The following RARB variants were observed in gnomAD, a reference collection of about 807,000 sequenced individuals.
RARB encodes HBV-activated protein.
RARB carries 17 observed loss-of-function variants against 51.9 expected under a neutral mutation model. That is an observed-to-expected ratio of 0.33 (90% CI 0.22 to 0.49). RARB has a LOEUF of 0.49. RARB is among the 20% of genes least tolerant of loss of function. The pLI, the probability that RARB is intolerant of heterozygous loss-of-function variation, is 0.99. For missense variants in RARB, 369 were observed against 550.8 expected, an observed-to-expected ratio of 0.67 and a Z score of 3.30; for synonymous variants, 215 against 195.4, an observed-to-expected ratio of 1.10 and a Z score of -0.84.
At chr3:25,184,536 A>T (rs1700931808) in intron 5 of RARB, among the ~76,000 whole-genome samples, 2 of 152,100 alleles carry the variant, frequency 1.3e-5, no homozygotes, top group African/African-American at 4.8e-5. Flanking sequence ...GGGGAGATGC[A>T]GAAAGATAGG....
intron 2 of RARB, among the ~76,000 whole-genome samples, chr3:24,921,493 C>T (rs1158353758): frequency 6.6e-6 from 1 of 152,084 alleles, no homozygotes; most frequent in Non-Finnish European, 1.5e-5. Context: ...TTTAGGTGAC[C>T]TTGCACCAGC....
intron 1 of RARB, among the ~76,000 whole-genome samples, chr3:25,460,440 A>T (rs564565627): frequency 2.7e-5 from 4 of 150,516 alleles, no homozygotes; most frequent in African/African-American, 4.9e-5. Flanking sequence ...TTATTTATTT[A>T]TTTATTTATT....
At chr3:24,942,727 A>G (rs534021719) in intron 2 of RARB, among the ~76,000 whole-genome samples, 1 of 152,198 alleles carries the variant, frequency 6.6e-6, no homozygotes, top group Non-Finnish European at 1.5e-5. Flanking sequence ...ATAAGGACTC[A>G]GTGAAGATTA....
In RARB at chr3:25,232,978, T is replaced by C. The variant is rs1028241339; in HGVS notation, c.178+58403T>C. Reference sequence around the variant, plus strand: ...TAAATGCCTTTTTTCTTTTTCTTTTTTTTTTTTTTTTTTTTGAGACAGAGT... The same window carrying C: ...TAAATGCCTTTTTTCTTTTTCTTTTCTTTTTTTTTTTTTTTGAGACAGAGT... On this transcript the variant is annotated intron_variant, in intron 5 of 11. Transcript: ENST00000383772. Among the ~76,000 whole-genome samples, 23 of 146,746 alleles carry C rather than the reference T, an allele frequency of 1.6e-4. 1 individual carries two copies. The East Asian group carries it at 1.6e-3, about 10-fold the overall frequency.
At chr3:25,126,036 A>G (rs1326501590) in intron 3 of RARB, among the ~76,000 whole-genome samples, 3 of 152,138 alleles carry the variant, frequency 2.0e-5, no homozygotes, top group South Asian at 2.1e-4. Context: ...TCCATTCTCA[A>G]TAGATTCACT....
chr3:25,142,345 T>G (rs1417380098), intron 4 of RARB, among the ~76,000 whole-genome samples: 1 of 151,374 alleles, frequency 6.6e-6, no homozygotes, highest in African/African-American at 2.4e-5. Context: ...AAAAAAGAAA[T>G]AATAAAAAAA....
At chr3:25,427,077 T>C (rs1708014457), upstream of RARB, among the ~76,000 whole-genome samples, 1 of 152,140 alleles carries the variant, frequency 6.6e-6, no homozygotes, top group African/African-American at 2.4e-5. Flanking sequence ...TGTGGTGGGA[T>C]GTGTGTAGGT....
intron 3 of RARB, among the ~76,000 whole-genome samples, chr3:25,565,575 T>C (rs775279731): frequency 1.3e-5 from 2 of 152,128 alleles, no homozygotes; most frequent in Non-Finnish European, 2.9e-5. Flanking sequence ...TAAATATTCA[T>C]TGAATGAATG....
intron 1 of RARB, among the ~76,000 whole-genome samples, chr3:25,435,978 T>C (rs1288031795): frequency 6.6e-6 from 1 of 152,218 alleles, no homozygotes; most frequent in East Asian, 1.9e-4. Flanking sequence ...CTGAAAAATG[T>C]AGCTAGACAC....
chr3:25,451,901 G>A (rs1709210752), intron 1 of RARB, among the ~76,000 whole-genome samples: 1 of 152,194 alleles, frequency 6.6e-6, no homozygotes, highest in South Asian at 2.1e-4. Context: ...TCATTTATTA[G>A]TGTGATAGTT....
chr3:25,019,144 A>G (rs1307074217), intron 2 of RARB, among the ~76,000 whole-genome samples: 1 of 152,224 alleles, frequency 6.6e-6, no homozygotes, highest in East Asian at 1.9e-4. Flanking sequence ...GTCATACCTC[A>G]TTTGAACACT....
chr3:24,874,658 C>T (rs1233887307), intron 2 of RARB, among the ~76,000 whole-genome samples: 2 of 151,800 alleles, frequency 1.3e-5, no homozygotes, highest in Non-Finnish European at 2.9e-5. Flanking sequence ...TTTTCTACTT[C>T]CAATTTTATT....
Position 25,154,331 on chromosome 3 carries a change from T to A in RARB, c.-279-19788T>A, listed in dbSNP as rs79457795. ...TGAAGGGTACCGTTATTTGCTTGGT[T>A]TATAAAACCAGAATTCTGGAGTCAG... On this transcript the variant is annotated intron_variant, in intron 4 of 11. Transcript: ENST00000383772. 2.5e-4 allele frequency among the ~76,000 whole-genome samples: 38 copies of A among 152,342 alleles called. 2 individuals carry two copies. The East Asian group carries it at 7.3e-3, about 29-fold the overall frequency.
chr3:25,118,372 T>C (rs1233079764), intron 3 of RARB, among the ~76,000 whole-genome samples: 1 of 152,152 alleles, frequency 6.6e-6, no homozygotes, highest in African/African-American at 2.4e-5. Context: ...TATCCCAGGA[T>C]GGAATGTGGA....
chr3:24,956,857 G>A (rs184117877), intron 2 of RARB, among the ~76,000 whole-genome samples: 1 of 152,136 alleles, frequency 6.6e-6, no homozygotes, highest in Non-Finnish European at 1.5e-5. Context: ...AGTTCCTTGG[G>A]TTCTATGCCT....
intron 2 of RARB, among the ~76,000 whole-genome samples, chr3:24,886,897 G>C (rs998942856): frequency 2.0e-5 from 3 of 152,190 alleles, no homozygotes; most frequent in Non-Finnish European, 4.4e-5. Context: ...TAGACCATGT[G>C]TCTACAAAAC....
At position 25,110,382 on chromosome 3, in the gene RARB, G is replaced by A. The variant is rs73047738; in HGVS notation, c.-327-21779G>A. On this transcript the variant is annotated intron_variant, in intron 3 of 11. Coordinates refer to the RARB transcript ENST00000383772. The stretch of plus-strand genomic sequence containing the variant: ...GTCTCCGAGGAACTTTACAAATGAG[G>A]AAACTCAATCTAAGAGATGCCAAAA... Among the ~76,000 whole-genome samples the A allele has an allele frequency of 7.8e-3, 1,189 of 152,312 alleles. 3 individuals carry two copies. Among genetic ancestry groups the A allele is most frequent in the Middle Eastern group, 0.024 (7 of 294 alleles).
intron 5 of RARB, among the ~76,000 whole-genome samples, chr3:25,329,549 A>T (rs144426475): frequency 0.055 from 8,327 of 152,254 alleles, 247 homozygotes; most frequent in Middle Eastern, 0.065. Flanking sequence ...AACCACAAAG[A>T]TGGGGAGAAA....
At chr3:25,236,184 G>A (rs541234909) in intron 5 of RARB, among the ~76,000 whole-genome samples, 1 of 152,222 alleles carries the variant, frequency 6.6e-6, no homozygotes, top group South Asian at 2.1e-4. Context: ...CACAGGCCCT[G>A]CTGTATTCAT....
Sources: gnomAD v4.1 joint callset for allele counts (sites outside exome capture counted in the v4.1 genomes callset) on GRCh38, gnomAD v4.1.1 for gene constraint, MANE v1.5 for transcripts, NCBI Gene and HGNC (gene_info 2026-07-23, HGNC 2026-07-21) for gene names.